The following CBR4 variants were observed in gnomAD, a reference collection of about 807,000 sequenced individuals.
CBR4 encodes 3-oxoacyl-[acyl-carrier-protein] reductase.
In CBR4, 22 loss-of-function variants were observed where a neutral mutation model predicts 21.0. The observed-to-expected ratio is 1.05, with a 90% CI of 0.75 to 1.50. The LOEUF is 1.50. Among genes scored for constraint, CBR4 ranks in the 40% most tolerant of loss-of-function variants. The probability of loss-of-function intolerance (pLI) is 0.00; values close to 1 mark genes in which losing one functional copy is unlikely to be tolerated. For missense variants in CBR4, 302 were observed against 286.3 expected, an observed-to-expected ratio of 1.05 and a Z score of -0.40; for synonymous variants, 100 against 104.4, an observed-to-expected ratio of 0.96 and a Z score of 0.26.
At chr4:168,956,229 C>T (rs183077704) in intron 2 of CBR4, among the ~76,000 whole-genome samples, 36 of 152,074 alleles carry the variant, frequency 2.4e-4, no homozygotes, top group Admixed American at 2.0e-3. Flanking sequence ...GACTGGAATA[C>T]GAAACATAAT....
intron 2 of CBR4, among the ~76,000 whole-genome samples, chr4:168,971,930 T>C (rs1015963501): frequency 1.3e-5 from 2 of 152,220 alleles, no homozygotes; most frequent in Non-Finnish European, 2.9e-5. Context: ...GGTCTTAGAT[T>C]TAAGTCTTTG....
At chr4:168,917,234 C>A (rs1582164720) in intron 2 of CBR4, among the ~76,000 whole-genome samples, 1 of 149,508 alleles carries the variant, frequency 6.7e-6, no homozygotes, top group Non-Finnish European at 1.5e-5. Flanking sequence ...ATCTTTAGTA[C>A]AGACGGGGTT....
downstream of CBR4, among the ~76,000 whole-genome samples, chr4:168,984,692 T>C (rs1180195005): frequency 3.3e-5 from 5 of 152,148 alleles, no homozygotes; most frequent in Admixed American, 6.5e-5. Context: ...TAAAACAGCA[T>C]TGTACTGGCA....
chr4:168,930,960 G>A (rs1303617290), intron 2 of CBR4, among the ~76,000 whole-genome samples: 4 of 152,146 alleles, frequency 2.6e-5, no homozygotes, highest in African/African-American at 9.7e-5. Flanking sequence ...GGTGCCTGCT[G>A]TGGGGCCCAG....
At chr4:168,905,084 A>G (rs544514542) in intron 2 of CBR4, among the ~76,000 whole-genome samples, 2 of 147,378 alleles carry the variant, frequency 1.4e-5, no homozygotes, top group Non-Finnish European at 3.0e-5. Context: ...CCAAGACTGC[A>G]CCACTGCACT....
At chr4:168,961,406 A>G (rs1350914092) in intron 2 of CBR4, among the ~76,000 whole-genome samples, 9 of 152,338 alleles carry the variant, frequency 5.9e-5, no homozygotes, top group African/African-American at 2.2e-4. Flanking sequence ...ATTTCTAGAC[A>G]GTTTAGAGAT....
intron 2 of CBR4, among the ~76,000 whole-genome samples, chr4:168,907,124 A>G (rs549817124): frequency 5.8e-4 from 88 of 150,912 alleles, no homozygotes; most frequent in African/African-American, 2.0e-3. Flanking sequence ...TGAGGATGAT[A>G]ATAATAATAA....
chr4:168,957,987 A>T (rs1442251063), intron 2 of CBR4, among the ~76,000 whole-genome samples: 3 of 152,298 alleles, frequency 2.0e-5, no homozygotes, highest in East Asian at 3.9e-4. Flanking sequence ...AAGTTTCCTG[A>T]GGCCTCCCCA....
intron 2 of CBR4, chr4:168,921,551 C>T (rs1355686027): frequency 6.2e-7 from 1 of 1,605,324 alleles, no homozygotes; most frequent in Admixed American, 1.7e-5. Flanking sequence ...GGTTACCAAC[C>T]CCAGATCTAA....
At chr4:168,969,854 A>T (rs1330009527) in intron 2 of CBR4, among the ~76,000 whole-genome samples, 5 of 152,162 alleles carry the variant, frequency 3.3e-5, no homozygotes, top group Non-Finnish European at 7.4e-5. Flanking sequence ...TACTAAATCA[A>T]ATGATGCATT....
In CBR4 at chr4:168,988,817, C is replaced by T. The variant is rs913140686; in HGVS notation, c.*1333G>A. The T allele has an allele frequency of 1.4e-5, 13 of 952,098 alleles. No individual in the cohort carries two copies. Among genetic ancestry groups the T allele is most frequent in the Non-Finnish European group, 1.6e-5 (13 of 799,640 alleles). 59.0% of individuals were successfully genotyped at this position (952,098 alleles called of 1,614,324 possible). ...CCCAGAATTTTTATTTAGAACACTG[C>T]TTTGACTTTTGTTATTACTTTGTAT... is the stretch of plus-strand genomic sequence containing the variant. On this transcript the variant is annotated 3_prime_UTR_variant, in exon 5 of 5. Transcript: ENST00000306193.
rs535963939 is a variant in CBR4, at chr4:168,930,889, T to C, written n.170-36124A>G. ...CTGAACCGACTTTAGAGAGCCACTG[T>C]CGATTGCACAGCTGCATTCCTCTGG... On this transcript the variant is annotated intron_variant and non_coding_transcript_variant, in intron 2 of 3. Coordinates refer to the CBR4 transcript ENST00000509108. 2.0e-5 allele frequency among the ~76,000 whole-genome samples: 3 copies of C among 152,288 alleles called. No homozygotes were observed. The South Asian group carries it at 6.2e-4, about 32-fold the overall frequency.
intron 2 of CBR4, among the ~76,000 whole-genome samples, chr4:168,942,092 A>G (rs914618870): frequency 5.3e-5 from 8 of 152,188 alleles, no homozygotes; most frequent in Admixed American, 4.6e-4. Flanking sequence ...AGGGACATGG[A>G]TGAAGCTGGA....
chr4:168,896,559 C>T, intron 2 of CBR4: 2 of 1,503,878 alleles, frequency 1.3e-6, no homozygotes. Flanking sequence ...GACATTGGTT[C>T]TCCTCATGCT....
intron 2 of CBR4, among the ~76,000 whole-genome samples, chr4:168,973,462 G>A (rs150644635): frequency 6.6e-6 from 1 of 152,152 alleles, no homozygotes; most frequent in Non-Finnish European, 1.5e-5. Context: ...CAAGTAGCTG[G>A]GATTACAGGC....
chr4:168,894,763 G>A lies in CBR4; in HGVS notation n.172C>T, dbSNP rs28380014. 2,278 of 1,552,766 alleles carry A rather than the reference G, an allele frequency of 1.5e-3. 41 individuals carry two copies. In the African/African-American group the frequency reaches 0.027, roughly 18 times the overall value. ...CTTATGGATACTGTTCTTGGGATGA[G>A]TTCTGTGGAAAGTAGAGGGCAAGTC... On this transcript the variant is annotated splice_region_variant and non_coding_transcript_exon_variant, in exon 3 of 4. Transcript: ENST00000509108.
intron 2 of CBR4, among the ~76,000 whole-genome samples, chr4:168,959,967 T>G (rs1409227874): frequency 6.6e-6 from 1 of 152,184 alleles, no homozygotes; most frequent in African/African-American, 2.4e-5. Context: ...TTAACGATAT[T>G]GAATCTTCCA....
At chr4:168,979,145 C>A (rs12508020) in intron 2 of CBR4, among the ~76,000 whole-genome samples, 101,578 of 150,724 alleles carry the variant, frequency 0.67, 36,166 homozygotes, top group East Asian at 0.96. Flanking sequence ...TTCAGACTTG[C>A]CCCCAACAAG....
chr4:168,964,833 T>A (rs1188211342), intron 2 of CBR4, among the ~76,000 whole-genome samples: 2 of 151,564 alleles, frequency 1.3e-5, no homozygotes, highest in African/African-American at 4.9e-5. Flanking sequence ...ATCACTGTGT[T>A]CAGCACTTTG....
Sources: allele counts gnomAD v4.1 joint callset (sites outside exome capture counted in the v4.1 genomes callset), GRCh38; gene constraint gnomAD v4.1.1; transcripts MANE v1.5; gene names NCBI Gene and HGNC (gene_info 2026-07-23, HGNC 2026-07-21).